FGF13: variants seen among roughly 807,000 people sequenced by gnomAD.
FGF13 encodes the protein fibroblast growth factor homologous factor 2.
Under a neutral mutation model 19.5 loss-of-function variants are expected in FGF13, and 2 were observed. That is an observed-to-expected ratio of 0.10 (90% CI 0.04 to 0.32). The LOEUF (loss-of-function observed/expected upper bound fraction) is 0.32. FGF13 is among the 10% of genes least tolerant of loss of function. The pLI is 1.00. For synonymous variants in FGF13, 72 were observed against 76.9 expected, an observed-to-expected ratio of 0.94 and a Z score of 0.33; for missense variants, 113 against 192.7, an observed-to-expected ratio of 0.59 and a Z score of 2.45.
chrX:138,951,957 G>T (rs1430731836), intron 1 of FGF13, among the ~76,000 whole-genome samples: 1 of 111,560 alleles, frequency 9.0e-6, no homozygotes, highest in Non-Finnish European at 1.9e-5. Flanking sequence ...AACATTCCAT[G>T]CTCATAGGTA....
chrX:138,711,213 C>G lies in FGF13; in HGVS notation c.-210G>C. 9.4e-7 allele frequency: 1 copy of G among 1,058,524 alleles called. No homozygotes were observed. 87.2% of individuals were successfully genotyped at this position (1,058,524 alleles called of 1,213,427 possible). A position where few individuals can be genotyped will look rare whatever the true frequency, so the allele number is the denominator to read the frequency against. On this transcript the variant is annotated 5_prime_UTR_variant, in exon 1 of 5. Transcript: ENST00000315930. ...GCTCCTCCGGCGGCGGTCCGGCTCC[C>G]GCGCGGGCTGCTGGCTGCCTGGGTC...
At chrX:139,185,302 TA>T (rs1285294341) in intron 1 of FGF13, among the ~76,000 whole-genome samples, 1 of 112,536 alleles carries the variant, frequency 8.9e-6, no homozygotes, top group African/African-American at 3.2e-5. Flanking sequence ...GTGTCTCTTT[TA>T]ACCCACTATA....
At chrX:139,058,429 C>T (rs1247736437) in intron 1 of FGF13, among the ~76,000 whole-genome samples, 1 of 111,960 alleles carries the variant, frequency 8.9e-6, no homozygotes, top group African/African-American at 3.2e-5. Context: ...TCCTTCAATT[C>T]TTCCTTCCTT....
intron 3 of FGF13, among the ~76,000 whole-genome samples, chrX:138,796,188 A>C (rs1246028833): frequency 9.1e-6 from 1 of 110,216 alleles, no homozygotes; most frequent in Non-Finnish European, 1.9e-5. Flanking sequence ...CCCCACATGC[A>C]TTAGGTATTT....
In FGF13 at chrX:138,772,975, T is replaced by G. The variant is rs1190190152; in HGVS notation, c.218-64047A>C. On this transcript the variant is annotated intron_variant, in intron 3 of 6. Coordinates refer to the FGF13 transcript ENST00000436198. ...GCATAGAAGAATATTTCTGCACTAT[T>G]GACCGAACTAACTGGTGTGTCAGTT... Among the ~76,000 whole-genome samples, 3 of 109,860 alleles carry G rather than the reference T, an allele frequency of 2.7e-5. No homozygotes were observed. In the East Asian group the frequency reaches 8.5e-4, roughly 31 times the overall value.
chrX:138,928,800 G>A (rs1251938521), intron 1 of FGF13, among the ~76,000 whole-genome samples: 1 of 111,456 alleles, frequency 9.0e-6, no homozygotes, highest in Non-Finnish European at 1.9e-5. Flanking sequence ...AATGAGACAT[G>A]AAGACTTCCC....
intron 1 of FGF13, among the ~76,000 whole-genome samples, chrX:139,202,614 C>G (rs941793566): frequency 2.7e-5 from 3 of 111,325 alleles, no homozygotes; most frequent in Non-Finnish European, 5.7e-5. Flanking sequence ...AGAAATGGCT[C>G]CACTTAGAAA....
intron 3 of FGF13, among the ~76,000 whole-genome samples, chrX:138,791,059 A>C (rs2090738794): frequency 8.9e-6 from 1 of 112,604 alleles, no homozygotes; most frequent in Non-Finnish European, 1.9e-5. Context: ...AATATATACA[A>C]CTACTATGTA....
At chrX:138,822,761 T>C (rs999836796) in intron 3 of FGF13, among the ~76,000 whole-genome samples, 7 of 112,496 alleles carry the variant, frequency 6.2e-5, no homozygotes, top group African/African-American at 2.3e-4. Context: ...GGCCATGCAG[T>C]TCCTTACCTG....
upstream of FGF13, among the ~76,000 whole-genome samples, chrX:138,742,535 C>T (rs1476504081): frequency 1.8e-5 from 2 of 110,577 alleles, no homozygotes; most frequent in Admixed American, 9.6e-5. Flanking sequence ...CGAATAATAC[C>T]CCGGAGGTCA....
At chrX:139,018,703 T>C (rs1046130402) in intron 1 of FGF13, among the ~76,000 whole-genome samples, 1 of 110,989 alleles carries the variant, frequency 9.0e-6, no homozygotes, top group African/African-American at 3.3e-5. Context: ...AACTAGAACA[T>C]GGGAAAAGGT....
intron 1 of FGF13, among the ~76,000 whole-genome samples, chrX:138,950,124 T>C (rs1374637319): frequency 1.8e-5 from 2 of 111,966 alleles, no homozygotes; most frequent in Non-Finnish European, 3.8e-5. Context: ...CATTCAGACA[T>C]GACAAATAGC....
chrX:138,774,300 C>G (rs2090570812), intron 3 of FGF13, among the ~76,000 whole-genome samples: 1 of 111,899 alleles, frequency 8.9e-6, no homozygotes, highest in Non-Finnish European at 1.9e-5. Context: ...ATGATGATGA[C>G]TGATGATGGT....
intron 1 of FGF13, among the ~76,000 whole-genome samples, chrX:139,006,638 CAT>C (rs2092102701): frequency 9.0e-6 from 1 of 111,508 alleles, no homozygotes; most frequent in Non-Finnish European, 1.9e-5. Flanking sequence ...CTTTCCAAGA[CAT>C]AGACATTACA....
chrX:138,936,101 G>T (rs1365193289), intron 1 of FGF13, among the ~76,000 whole-genome samples: 1 of 112,525 alleles, frequency 8.9e-6, no homozygotes, highest in Non-Finnish European at 1.9e-5. Flanking sequence ...GAGCAAAGGG[G>T]AATTATCTCA....
chrX:138,652,724 G>A lies in FGF13; in HGVS notation c.403-17069C>T, dbSNP rs758458995. On this transcript the variant is annotated intron_variant, in intron 3 of 4. Transcript: ENST00000315930. The stretch of plus-strand genomic sequence containing the variant: ...CCAAAGAAACGAAATAAACCTTTAT[G>A]AATACTCTTTTGAGCTAAACATGAA... Among the ~76,000 whole-genome samples the A allele has an allele frequency of 5.4e-5, 6 of 111,938 alleles. No individual in the cohort carries two copies. The South Asian group carries it at 2.2e-3, about 41-fold the overall frequency.
intron 3 of FGF13, among the ~76,000 whole-genome samples, chrX:138,764,765 T>C: frequency 8.9e-6 from 1 of 112,227 alleles, no homozygotes; most frequent in Middle Eastern, 4.6e-3. Context: ...TGCCAACCCC[T>C]TTCTTAATGC....
At chrX:139,080,049 A>G (rs1419918042) in intron 1 of FGF13, among the ~76,000 whole-genome samples, 1 of 99,686 alleles carries the variant, frequency 1.0e-5, no homozygotes, top group Non-Finnish European at 2.0e-5. Flanking sequence ...CAAAATAGAG[A>G]AAATATTACC....
At chrX:138,896,807 C>A (rs1443076088) in intron 1 of FGF13, among the ~76,000 whole-genome samples, 1 of 111,843 alleles carries the variant, frequency 8.9e-6, no homozygotes, top group Non-Finnish European at 1.9e-5. Context: ...CTCAACCTTA[C>A]CTGTGCCACT....
Sources: allele counts gnomAD v4.1 joint callset (sites outside exome capture counted in the v4.1 genomes callset), GRCh38; gene constraint gnomAD v4.1.1; transcripts MANE v1.5; gene names NCBI Gene and HGNC (gene_info 2026-07-23, HGNC 2026-07-21).